Variants in BSN observed in about 807,000 individuals in gnomAD.
BSN encodes protein bassoon.
BSN carries 57 observed loss-of-function variants against 264.8 expected under a neutral mutation model. That is an observed-to-expected ratio of 0.22 (90% CI 0.17 to 0.27). The LOEUF (loss-of-function observed/expected upper bound fraction) is 0.27. BSN is among the 10% of genes least tolerant of loss of function. The pLI is 1.00. For missense variants in BSN, 4,615 were observed against 5,232.5 expected (o/e 0.88, Z 3.64); for synonymous variants, 2,059 against 2,137.3 (o/e 0.96, Z 1.01).
chr3:49,583,895 A>G (rs1575429050), intron 1 of BSN, among the ~76,000 whole-genome samples: 1 of 151,722 alleles, frequency 6.6e-6, no homozygotes, highest in African/African-American at 2.4e-5. Flanking sequence ...ATTTATCAAG[A>G]TGGAGTCTCG....
chr3:49,610,816 C>T (rs943420172), intron 1 of BSN, among the ~76,000 whole-genome samples: 1 of 152,182 alleles, frequency 6.6e-6, no homozygotes, highest in Non-Finnish European at 1.5e-5. Context: ...TGGGATGTTT[C>T]TGGGGCCAGT....
Position 49,654,666 on chromosome 3 carries a change from C to G in BSN, c.5110C>G (p.Pro1704Ala). 1.2e-6 allele frequency: 2 copies of G among 1,613,802 alleles called. No homozygotes were observed. The highest frequency in any genetic ancestry group is 1.1e-5 in the South Asian group (1 of 91,076). ...GTATGGTCTTGCCCTGGATCCAATC[C>G]CAGGACGGCAGTCGACCGCCGTGCA... Reference protein sequence around the residue: ...RKYGLALDPIPGRQSTAVQPL... With the variant: ...RKYGLALDPIAGRQSTAVQPL... The change falls in exon 5 of 12, where the codon CCA becomes GCA. Residue 1704 changes from proline (P) to alanine (A), a missense_variant. Pro to Ala is a conservative substitution (Grantham distance 27). Around this residue, in one of 3 missense-constraint regions of BSN, gnomAD observed 3,415 missense variants for 3,866.4 expected, o/e 0.88. Transcript: ENST00000296452. This position sits in a 1 kb window ranked among gnomAD's most constrained non-coding sequence, Gnocchi z 4.1.
In BSN at chr3:49,589,082, A is replaced by ATTTTTTTTT. The variant is rs55919876; in HGVS notation, c.224+34262_224+34270dup. The stretch of plus-strand genomic sequence containing the variant: ...GGCGCCTGCCACCACGCCTGGCTAA[A>ATTTTTTTTT]TTTTTTTTTTTTTTGTATTTTTTAG... On this transcript the variant is annotated intron_variant, in intron 1 of 11. Coordinates refer to ENST00000296452, the MANE Select transcript of BSN (RefSeq NM_003458.4). Among the ~76,000 whole-genome samples, 55 of 132,454 alleles carry ATTTTTTTTT rather than the reference A, an allele frequency of 4.2e-4. 2 individuals carry two copies. Among genetic ancestry groups the ATTTTTTTTT allele is most frequent in the African/African-American group, 8.3e-4 (30 of 36,032 alleles). The allele number at this position is 132,454 out of a possible 152,430, so 86.9% of individuals were successfully genotyped here. A position where few individuals can be genotyped will look rare whatever the true frequency, so the allele number is the denominator to read the frequency against.
At position 49,663,513 on chromosome 3, in the gene BSN, T is replaced by C; in HGVS notation, c.11355T>C (p.Leu3785=). The C allele has an allele frequency of 6.2e-7, 1 of 1,612,840 alleles. No homozygotes were observed. The highest frequency in any genetic ancestry group is 8.5e-7 in the Non-Finnish European group (1 of 1,179,932). Residue 3785 remains leucine (L), a synonymous_variant, in exon 7 of 12, where the codon CTT becomes CTC. Transcript: ENST00000296452. ...QPQTQQQQQG[L]GLQPPQQALT... ...AGACACAGCAGCAGCAGCAAGGTCT[T>C]GGGCTGCAGCCCCCACAGCAGGCTC...
chr3:49,628,521 T>C (rs1559609002), intron 2 of BSN, among the ~76,000 whole-genome samples: 1 of 152,182 alleles, frequency 6.6e-6, no homozygotes, highest in African/African-American at 2.4e-5. Context: ...GACCCAAGTT[T>C]CCCCTATCAG....
intron 1 of BSN, among the ~76,000 whole-genome samples, chr3:49,609,557 G>T (rs2052187143): frequency 6.6e-6 from 1 of 152,186 alleles, no homozygotes. Context: ...ATGGTAGAGT[G>T]CTTTGAAGGC....
In BSN at chr3:49,662,329, C is replaced by T. The variant is rs979579029; in HGVS notation, c.10484C>T (p.Pro3495Leu). 1 of 1,613,630 alleles carries T rather than the reference C, an allele frequency of 6.2e-7. No individual in the cohort carries two copies. The highest frequency in any genetic ancestry group is 8.5e-7 in the Non-Finnish European group (1 of 1,179,806). ...SLSMAHSRVRPPMRSQASEEE... is the reference protein window; with the variant it reads ...SLSMAHSRVRLPMRSQASEEE... ...AGTATGGCCCACAGCCGGGTACGACCCCCCATGCGGAGCCAGGCCTCTGAA... is the reference window on the plus strand; with the variant it reads ...AGTATGGCCCACAGCCGGGTACGACTCCCCATGCGGAGCCAGGCCTCTGAA... The change falls in exon 6 of 12, where the codon CCC (proline) becomes CTC (leucine). Residue 3495 changes from proline (P) to leucine (L), a missense_variant. Pro to Leu is a moderately conservative substitution (Grantham distance 98). Around this residue, in one of 3 missense-constraint regions of BSN, gnomAD observed 3,415 missense variants for 3,866.4 expected, o/e 0.88. Transcript: ENST00000296452.
intron 1 of BSN, among the ~76,000 whole-genome samples, chr3:49,606,049 ATATAATT>A (rs2052135576): frequency 1.1e-5 from 1 of 92,742 alleles, no homozygotes; most frequent in African/African-American, 4.4e-5. Context: ...ATTATATTAT[ATATAATT>A]ATAAATATAT....
intron 2 of BSN, among the ~76,000 whole-genome samples, chr3:49,635,971 CAAA>C (rs869076731): frequency 1.8e-5 from 2 of 113,480 alleles, no homozygotes; most frequent in African/African-American, 3.3e-5. Context: ...TGTCCCCCTC[CAAA>C]AAAAAAAAAA....
rs1302558675 is a variant in BSN, at chr3:49,651,508, T to C, written c.1987-35T>C. ...TGGGTTCCCACCACGAGCTTTGCCA[T>C]GGGGAGTCAGTGTCTGCTTTTCACC... On this transcript the variant is annotated intron_variant, in intron 4 of 11. Coordinates refer to ENST00000296452, the MANE Select transcript of BSN (RefSeq NM_003458.4). This position sits in a 1 kb window ranked among gnomAD's most constrained non-coding sequence, Gnocchi z 5.4. 6.5e-7 allele frequency: 1 copy of C among 1,528,294 alleles called. No homozygotes were observed. Among genetic ancestry groups the C allele is most frequent in the Non-Finnish European group, 8.8e-7 (1 of 1,136,632 alleles). The allele number at this position is 1,528,294 out of a possible 1,614,324, so 94.7% of individuals were successfully genotyped here.
rs780460147 is a variant in BSN, at chr3:49,652,740, G to A, written c.3184G>A (p.Val1062Met). ...LLREQEKMRE[V>M]EQQRIRSTAR... ...TCGTGAGCAAGAGAAGATGCGGGAG[G>A]TGGAGCAGCAGCGCATCCGCAGCAC... Residue 1062 changes from valine (V) to methionine (M), a missense_variant, in exon 5 of 12, where the codon GTG becomes ATG. Physicochemically the swap from Val to Met is conservative, Grantham distance 21 (BLOSUM62 1). Transcript: ENST00000296452. The A allele has an allele frequency of 3.8e-6, 6 of 1,561,306 alleles. No homozygotes were observed. In the South Asian group the frequency reaches 4.9e-5, roughly 13 times the overall value.
At chr3:49,612,130 C>G (rs1378824610) in intron 1 of BSN, among the ~76,000 whole-genome samples, 3 of 135,224 alleles carry the variant, frequency 2.2e-5, no homozygotes, top group Non-Finnish European at 3.1e-5. Flanking sequence ...ATACAACAAA[C>G]AAAGAATGAT....
chr3:49,569,395 A>C (rs1207510531), intron 1 of BSN, among the ~76,000 whole-genome samples: 1 of 152,222 alleles, frequency 6.6e-6, no homozygotes. Context: ...TTATCAAATG[A>C]AACATTGGAA....
chr3:49,584,710 A>G (rs2051921385), intron 1 of BSN, among the ~76,000 whole-genome samples: 1 of 152,180 alleles, frequency 6.6e-6, no homozygotes, highest in South Asian at 2.1e-4. Context: ...GTGCTATCAA[A>G]TAGTAGGTCT....
rs1481410060 is a variant in BSN at position 49,655,884 on chromosome 3, C to G, written c.6328C>G (p.Gln2110Glu). ...RMCAALNSMD[Q>E]YGGRHGSGGG... ...GTGCGCTGCCCTCAACTCCATGGAC[C>G]AGTATGGTGGGCGGCATGGCAGTGG... is the stretch of plus-strand genomic sequence containing the variant. The change falls in exon 5 of 12, where the codon CAG (glutamine) becomes GAG (glutamate). Residue 2110 changes from glutamine (Q) to glutamate (E), a missense_variant. Physicochemically the swap from Gln to Glu is conservative, Grantham distance 29. Around this residue, in one of 3 missense-constraint regions of BSN, gnomAD observed 3,415 missense variants for 3,866.4 expected, o/e 0.88. Coordinates refer to ENST00000296452, the MANE Select transcript of BSN (RefSeq NM_003458.4). 2 of 1,612,772 alleles carry G rather than the reference C, an allele frequency of 1.2e-6. No homozygotes were observed. The highest frequency in any genetic ancestry group is 1.7e-6 in the Non-Finnish European group (2 of 1,179,978).
chr3:49,651,500 C>T lies in BSN; in HGVS notation c.1987-43C>T. On this transcript the variant is annotated intron_variant, in intron 4 of 11. Coordinates refer to ENST00000296452, the MANE Select transcript of BSN (RefSeq NM_003458.4). This position sits in a 1 kb window ranked among gnomAD's most constrained non-coding sequence, Gnocchi z 5.4. ...GGGAGGATTGGGTTCCCACCACGAGCTTTGCCATGGGGAGTCAGTGTCTGC... is the reference window on the plus strand; with the variant it reads ...GGGAGGATTGGGTTCCCACCACGAGTTTTGCCATGGGGAGTCAGTGTCTGC... The T allele has an allele frequency of 6.6e-7, 1 of 1,522,506 alleles. No homozygotes were observed. The highest frequency in any genetic ancestry group is 8.8e-7 in the Non-Finnish European group (1 of 1,133,112). 94.3% of individuals were successfully genotyped at this position (1,522,506 alleles called of 1,614,324 possible). A position where few individuals can be genotyped will look rare whatever the true frequency, so the allele number is the denominator to read the frequency against.
intron 5 of BSN, among the ~76,000 whole-genome samples, chr3:49,659,738 C>T (rs1410330288): frequency 6.6e-6 from 1 of 152,118 alleles, no homozygotes; most frequent in African/African-American, 2.4e-5. Flanking sequence ...GACCAGGAAG[C>T]CATGCTGCTG....
chr3:49,649,721 G>A (rs2052526407), intron 3 of BSN, among the ~76,000 whole-genome samples: 2 of 152,202 alleles, frequency 1.3e-5, no homozygotes, highest in Admixed American at 1.3e-4. Flanking sequence ...TGGGGTTGTG[G>A]GCTCCAGAAA....
intron 2 of BSN, among the ~76,000 whole-genome samples, chr3:49,637,224 C>A (rs778388403): frequency 3.3e-5 from 5 of 152,284 alleles, no homozygotes; most frequent in Admixed American, 6.5e-5. Flanking sequence ...ACGTCTGCAA[C>A]CTTCCTTTTC....
Sources: allele counts gnomAD v4.1 joint callset (sites outside exome capture counted in the v4.1 genomes callset), GRCh38; gene constraint gnomAD v4.1.1; regional missense constraint gnomAD v4.1.1; non-coding constraint Gnocchi (gnomAD v3.1); transcripts MANE v1.5; gene names NCBI Gene and HGNC (gene_info 2026-07-23, HGNC 2026-07-21).